Variants in SLC43A1 observed in about 807,000 individuals in gnomAD.
The protein encoded by SLC43A1 is large neutral amino acids transporter small subunit 3.
In SLC43A1, 31 loss-of-function variants were observed where a neutral mutation model predicts 59.5. The observed-to-expected ratio is 0.52, with a 90% CI of 0.39 to 0.70. The LOEUF (loss-of-function observed/expected upper bound fraction) is 0.70, where lower values mean the gene tolerates loss of function less well. Ranked by LOEUF, SLC43A1 falls within the 30% of genes least tolerant of loss-of-function variation. SLC43A1 has a pLI of 0.00. For synonymous variants in SLC43A1, 259 were observed against 290.9 expected, an observed-to-expected ratio of 0.89 and a Z score of 1.12; for missense variants, 598 against 717.8, an observed-to-expected ratio of 0.83 and a Z score of 1.91.
intron 2 of SLC43A1, among the ~76,000 whole-genome samples, chr11:57,502,828 C>T (rs1021199326): frequency 4.7e-5 from 7 of 147,884 alleles, no homozygotes; most frequent in Admixed American, 4.1e-4. Context: ...GAGCCATGAT[C>T]ACACCATTGC....
At chr11:57,510,148 A>T (rs2135224058) in intron 2 of SLC43A1, among the ~76,000 whole-genome samples, 1 of 152,210 alleles carries the variant, frequency 6.6e-6, no homozygotes, top group East Asian at 1.9e-4. Context: ...ATCCACTAGG[A>T]TGGCTATAAC....
At chr11:57,497,003 C>CTTCAGTTG (rs1944108494) in intron 6 of SLC43A1, among the ~76,000 whole-genome samples, 1 of 152,188 alleles carries the variant, frequency 6.6e-6, no homozygotes. Context: ...TCAAACACTA[C>CTTCAGTTG]TTCAGTTGAA....
intron 14 of SLC43A1, 131 bp downstream of exon 14, chr11:57,486,964 G>C: frequency 1.1e-6 from 1 of 920,766 alleles, no homozygotes; most frequent in Non-Finnish European, 1.6e-6. Context: ...AGACAACTTG[G>C]AAACCTGCAG....
chr11:57,487,409 G>A (rs1397623413), intron 13 of SLC43A1, among the ~76,000 whole-genome samples, 191 bp from the exon 14 acceptor site: 1 of 152,126 alleles, frequency 6.6e-6, no homozygotes, highest in Non-Finnish European at 1.5e-5. Flanking sequence ...CACTGAGCTG[G>A]GTTCTCACAC....
Position 57,510,044 on chromosome 11 carries a change from C to G in SLC43A1, c.154+3914G>C, listed in dbSNP as rs186919108. ...CAAAGGACCTGAATAGACCTTTCTC[C>G]AAAGATATACCAAAAGCCAATAAGC... On this transcript the variant is annotated intron_variant, in intron 2 of 14. Transcript: ENST00000278426. Among the ~76,000 whole-genome samples, 334 of 152,044 alleles carry G rather than the reference C, an allele frequency of 2.2e-3. 4 individuals are homozygous for G. The highest frequency in any genetic ancestry group is 7.6e-3 in the African/African-American group (316 of 41,468).
rs1223592055 is a variant in SLC43A1, at chr11:57,514,157, C to T, written c.-13-33G>A. The T allele has an allele frequency of 6.5e-7, 1 of 1,529,040 alleles. No homozygotes were observed. Among genetic ancestry groups the T allele is most frequent in the Non-Finnish European group, 8.7e-7 (1 of 1,144,216 alleles). 94.7% of individuals were successfully genotyped at this position (1,529,040 alleles called of 1,614,324 possible). A position where few individuals can be genotyped will look rare whatever the true frequency, so the allele number is the denominator to read the frequency against. On this transcript the variant is annotated intron_variant, in intron 1 of 14. Coordinates refer to ENST00000278426, the MANE Select transcript of SLC43A1 (RefSeq NM_003627.6). The surrounding 1 kb of genome is among the most constrained non-coding windows in gnomAD (Gnocchi z 5.5). The stretch of plus-strand genomic sequence containing the variant: ...GAAACAGAGCGCTGGGTGAAGGGCC[C>T]CCCAGTGGCCCCAGGGAAGGGTCCT...
intron 2 of SLC43A1, among the ~76,000 whole-genome samples, chr11:57,503,817 T>C (rs552710838): frequency 2.0e-5 from 3 of 152,274 alleles, no homozygotes; most frequent in East Asian, 1.9e-4. Flanking sequence ...TTGACCCTTA[T>C]AGTGTTGTAA....
In SLC43A1 at chr11:57,491,526, C is replaced by T. The variant is rs573943872; in HGVS notation, c.1054+65G>A. ...GGTGGGCCCAGGCCTAGAGGAGTCC[C>T]GCCCCCTGAGAAGCGGGTTGCAGTG... On this transcript the variant is annotated intron_variant, in intron 10 of 14. Transcript: ENST00000278426. The T allele has an allele frequency of 1.9e-5, 30 of 1,604,738 alleles. No homozygotes were observed. In the African/African-American group the frequency reaches 2.9e-4, roughly 16 times the overall value.
intron 6 of SLC43A1, 110 bp downstream of exon 6, chr11:57,497,641 CAG>C (rs1367382152): frequency 4.2e-6 from 3 of 712,066 alleles, no homozygotes; most frequent in Non-Finnish European, 7.2e-6. Context: ...GGGATGATGA[CAG>C]AGAAAGGAGA....
intron 2 of SLC43A1, among the ~76,000 whole-genome samples, chr11:57,502,564 C>G (rs1315497587): frequency 2.0e-5 from 3 of 152,096 alleles, no homozygotes; most frequent in Admixed American, 1.3e-4. Context: ...TCTAGAGTGA[C>G]AGGTGCTGCT....
intron 14 of SLC43A1, among the ~76,000 whole-genome samples, chr11:57,486,078 G>T (rs1229982734): frequency 6.6e-6 from 1 of 152,232 alleles, no homozygotes; most frequent in East Asian, 1.9e-4. Context: ...CCTTTCAGGG[G>T]TGCTGGAGAC....
Position 57,514,310 on chromosome 11 carries a change from G to T in SLC43A1, c.-13-186C>A. 1.6e-6 allele frequency: 1 copy of T among 626,180 alleles called. No individual in the cohort carries two copies. The highest frequency in any genetic ancestry group is 2.7e-6 in the Non-Finnish European group (1 of 370,432). 38.8% of individuals were successfully genotyped at this position (626,180 alleles called of 1,614,324 possible). On this transcript the variant is annotated intron_variant, in intron 1 of 14. Coordinates refer to ENST00000278426, the MANE Select transcript of SLC43A1 (RefSeq NM_003627.6). The surrounding 1 kb of genome is among the most constrained non-coding windows in gnomAD (Gnocchi z 5.5). Reference sequence around the variant, plus strand: ...TCCGCGCGCACTAGCAGTGCCAGAGGTGCACGCGGCACGGGGCTCCCGCTG... The same window carrying T: ...TCCGCGCGCACTAGCAGTGCCAGAGTTGCACGCGGCACGGGGCTCCCGCTG...
In SLC43A1 at chr11:57,514,126, T is replaced by C; in HGVS notation, c.-13-2A>G. On this transcript the variant is annotated splice_acceptor_variant, in intron 1 of 14. Coordinates refer to ENST00000278426, the MANE Select transcript of SLC43A1 (RefSeq NM_003627.6). LOFTEE classifies it low-confidence loss of function (5UTR_SPLICE). The surrounding 1 kb of genome is among the most constrained non-coding windows in gnomAD (Gnocchi z 5.5). Reference sequence around the variant, plus strand: ...GTGGGGGCCATGCTGGCCCCGAGCCTGCACAGAAACAGAGCGCTGGGTGAA... The same window carrying C: ...GTGGGGGCCATGCTGGCCCCGAGCCCGCACAGAAACAGAGCGCTGGGTGAA... The C allele has an allele frequency of 6.3e-7, 1 of 1,579,636 alleles. No individual in the cohort carries two copies. The highest frequency in any genetic ancestry group is 8.6e-7 in the Non-Finnish European group (1 of 1,164,280).
chr11:57,497,598 T>C (rs1449286606), intron 6 of SLC43A1, among the ~76,000 whole-genome samples, 155 bp downstream of exon 6: 1 of 152,194 alleles, frequency 6.6e-6, no homozygotes, highest in African/African-American at 2.4e-5. Context: ...GAAAGCTTGC[T>C]GTGGCCCAGG....
intron 14 of SLC43A1, among the ~76,000 whole-genome samples, chr11:57,485,920 G>A (rs1437338788): frequency 1.3e-5 from 2 of 152,246 alleles, no homozygotes; most frequent in Non-Finnish European, 2.9e-5. Flanking sequence ...TTTACGTGTG[G>A]GTGGCCCCAC....
intron 2 of SLC43A1, among the ~76,000 whole-genome samples, chr11:57,511,522 C>G (rs61886993): frequency 0.19 from 29,301 of 151,980 alleles, 5,280 homozygotes; most frequent in African/African-American, 0.48. Context: ...GCTCACTGCA[C>G]ATTCAAACTC....
intron 2 of SLC43A1, among the ~76,000 whole-genome samples, chr11:57,511,359 T>C (rs1463476381): frequency 6.6e-6 from 1 of 151,048 alleles, no homozygotes; most frequent in Admixed American, 6.6e-5. Context: ...GCCCAGGAGG[T>C]TGAAGCTGCA....
intron 13 of SLC43A1, 133 bp from the exon 14 acceptor site, chr11:57,487,351 G>T: frequency 9.1e-7 from 1 of 1,100,120 alleles, no homozygotes; most frequent in Non-Finnish European, 1.3e-6. Context: ...CTCTTTGCAT[G>T]GGCTCTTTGG....
rs770886541 is a variant in SLC43A1, at chr11:57,487,157, C to T, written c.1471G>A (p.Ala491Thr). 18 of 1,614,056 alleles carry T rather than the reference C, an allele frequency of 1.1e-5. No homozygotes were observed. Among genetic ancestry groups the T allele is most frequent in the Middle Eastern group, 1.7e-4 (1 of 6,054 alleles). ...GLQSLISAVF[A>T]LLQQPLFMAM... The stretch of plus-strand genomic sequence containing the variant: ...ATGAAAAGTGGCTGCTGAAGCAAGG[C>T]GAACACAGCACTGATGAGGGACTGC... Residue 491 changes from alanine (A) to threonine (T), a missense_variant, in exon 14 of 15, where the codon GCC becomes ACC. By Grantham distance (58) the Ala-to-Thr change is moderately conservative. Coordinates refer to ENST00000278426, the MANE Select transcript of SLC43A1 (RefSeq NM_003627.6).
Sources: gnomAD v4.1 joint callset for allele counts (sites outside exome capture counted in the v4.1 genomes callset) on GRCh38, gnomAD v4.1.1 for gene constraint, Gnocchi (gnomAD v3.1) non-coding constraint, MANE v1.5 for transcripts, NCBI Gene and HGNC (gene_info 2026-07-23, HGNC 2026-07-21) for gene names.